EPB41L4A: variants seen among roughly 807,000 people sequenced by gnomAD.
The protein encoded by EPB41L4A is band 4.1-like protein 4A.
Under a neutral mutation model 108.6 loss-of-function variants are expected in EPB41L4A, and 100 were observed. The observed-to-expected ratio is 0.92, with a 90% CI of 0.78 to 1.09. EPB41L4A has a LOEUF of 1.09. Ranked by LOEUF, EPB41L4A falls within the 50% of genes least tolerant of loss-of-function variation. The pLI, the probability that EPB41L4A is intolerant of heterozygous loss-of-function variation, is 0.00. For synonymous variants in EPB41L4A, 319 were observed against 289.0 expected, an observed-to-expected ratio of 1.10 and a Z score of -1.05; for missense variants, 1,030 against 842.7, an observed-to-expected ratio of 1.22 and a Z score of -2.75.
chr5:112,256,196 T>A (rs4958027), intron 9 of EPB41L4A, among the ~76,000 whole-genome samples: 27,962 of 152,156 alleles, frequency 0.18, 2,883 homozygotes, highest in Non-Finnish European at 0.22. Flanking sequence ...AACCATCTGA[T>A]AATAAACTTT....
intron 1 of EPB41L4A, among the ~76,000 whole-genome samples, chr5:112,383,105 A>C (rs962951004): frequency 1.3e-5 from 2 of 152,218 alleles, no homozygotes; most frequent in African/African-American, 4.8e-5. Flanking sequence ...GGTTAGATGA[A>C]TACTCTCCAG....
chr5:112,324,334 T>A (rs1269833546), intron 1 of EPB41L4A, among the ~76,000 whole-genome samples: 1 of 152,146 alleles, frequency 6.6e-6, no homozygotes, highest in Non-Finnish European at 1.5e-5. Flanking sequence ...GTAACCACAG[T>A]AGGATTTTTT....
chr5:112,319,677 T>C (rs1019657319), intron 1 of EPB41L4A, among the ~76,000 whole-genome samples: 10 of 152,324 alleles, frequency 6.6e-5, no homozygotes, highest in African/African-American at 2.2e-4. Context: ...AAAAATAGTA[T>C]GGTTATCAAA....
intron 1 of EPB41L4A, chr5:112,392,665 A>G (rs1174744004): frequency 6.6e-6 from 1 of 152,178 alleles, no homozygotes; most frequent in Non-Finnish European, 1.5e-5. Context: ...CCCACTGTCA[A>G]TATTAGACAG....
intron 2 of EPB41L4A, among the ~76,000 whole-genome samples, chr5:112,296,793 T>G (rs939996755): frequency 2.6e-5 from 4 of 152,082 alleles, no homozygotes; most frequent in African/African-American, 9.7e-5. Context: ...CAAAGTCCAT[T>G]GTATCATTCT....
chr5:112,145,434 T>C (rs556688023), intron 13 of EPB41L4A, among the ~76,000 whole-genome samples: 1 of 152,198 alleles, frequency 6.6e-6, no homozygotes, highest in Non-Finnish European at 1.5e-5. Flanking sequence ...GAGATGGAGA[T>C]TTTGTATTTT....
At chr5:112,230,801 A>G (rs1748857849) in intron 12 of EPB41L4A, among the ~76,000 whole-genome samples, 1 of 152,160 alleles carries the variant, frequency 6.6e-6, no homozygotes, top group Non-Finnish European at 1.5e-5. Flanking sequence ...AGCTTTGCCT[A>G]AGCCAATGTC....
At chr5:112,312,129 A>G (rs999071367) in intron 1 of EPB41L4A, among the ~76,000 whole-genome samples, 3 of 152,222 alleles carry the variant, frequency 2.0e-5, no homozygotes, top group African/African-American at 7.2e-5. Flanking sequence ...TAGATTTATA[A>G]AGCATAAAAA....
chr5:112,320,300 G>A (rs1299402979), intron 1 of EPB41L4A, among the ~76,000 whole-genome samples: 1 of 152,184 alleles, frequency 6.6e-6, no homozygotes, highest in Non-Finnish European at 1.5e-5. Context: ...CCACTCTATA[G>A]CAGTCATCTG....
chr5:112,283,736 T>C (rs1327966775), intron 2 of EPB41L4A, among the ~76,000 whole-genome samples: 1 of 152,120 alleles, frequency 6.6e-6, no homozygotes, highest in African/African-American at 2.4e-5. Context: ...GAACACAAAG[T>C]TGAATGAGAC....
chr5:112,364,281 C>T (rs1003879058), intron 1 of EPB41L4A, among the ~76,000 whole-genome samples: 1 of 152,190 alleles, frequency 6.6e-6, no homozygotes, highest in Non-Finnish European at 1.5e-5. Flanking sequence ...CTGCCTTGGC[C>T]TCCCTAAGTG....
intron 12 of EPB41L4A, among the ~76,000 whole-genome samples, chr5:112,151,893 G>C (rs1303266566): frequency 1.3e-5 from 2 of 151,976 alleles, no homozygotes; most frequent in African/African-American, 4.8e-5. Context: ...ACCACGCCTG[G>C]CTAATTTATT....
chr5:112,385,171 G>C (rs1050071917), intron 1 of EPB41L4A, among the ~76,000 whole-genome samples: 1 of 152,180 alleles, frequency 6.6e-6, no homozygotes, highest in African/African-American at 2.4e-5. Flanking sequence ...CTGACCAAAA[G>C]GACCAGAGGG....
At chr5:112,374,240 A>T (rs1759668330) in intron 1 of EPB41L4A, among the ~76,000 whole-genome samples, 1 of 152,212 alleles carries the variant, frequency 6.6e-6, no homozygotes, top group African/African-American at 2.4e-5. Flanking sequence ...GCTGACAGTG[A>T]TTGGGAGTGG....
downstream of EPB41L4A, among the ~76,000 whole-genome samples, chr5:112,159,206 G>C (rs1302580993): frequency 1.3e-5 from 2 of 151,704 alleles, no homozygotes; most frequent in Non-Finnish European, 2.9e-5. Flanking sequence ...GTATGATTGA[G>C]ATACAAAAAG....
intron 17 of EPB41L4A, among the ~76,000 whole-genome samples, chr5:112,188,766 C>T (rs1227980263): frequency 1.3e-5 from 2 of 152,100 alleles, no homozygotes; most frequent in African/African-American, 4.8e-5. Flanking sequence ...GGCAAGGAAG[C>T]GGTTACCTAT....
intron 2 of EPB41L4A, among the ~76,000 whole-genome samples, chr5:112,303,758 G>A (rs1754523472): frequency 1.3e-5 from 2 of 152,138 alleles, no homozygotes; most frequent in Non-Finnish European, 1.5e-5. Flanking sequence ...AAGCTGCATG[G>A]TGATATGTTT....
At chr5:112,237,345 C>T (rs944488183) in intron 11 of EPB41L4A, among the ~76,000 whole-genome samples, 1 of 152,086 alleles carries the variant, frequency 6.6e-6, no homozygotes, top group Non-Finnish European at 1.5e-5. Context: ...CGATTTTTCC[C>T]TTAAGTAAGC....
intron 1 of EPB41L4A, among the ~76,000 whole-genome samples, chr5:112,381,962 T>C (rs1580796509): frequency 6.6e-6 from 1 of 152,246 alleles, no homozygotes; most frequent in South Asian, 2.1e-4. Context: ...ATTCTAAAAA[T>C]GTCTGCAAAT....
Sources: gnomAD v4.1 joint callset for allele counts (sites outside exome capture counted in the v4.1 genomes callset) on GRCh38, gnomAD v4.1.1 for gene constraint, MANE v1.5 for transcripts, NCBI Gene and HGNC (gene_info 2026-07-23, HGNC 2026-07-21) for gene names.